Variants in ESCO2 observed in about 807,000 individuals in gnomAD.
The protein encoded by ESCO2 is N-acetyltransferase ESCO2.
ESCO2 carries 51 observed loss-of-function variants against 61.7 expected under a neutral mutation model. The ratio of observed to expected loss-of-function variants is 0.83; its 90% CI spans 0.66 to 1.04. The LOEUF is 1.04. Among genes scored for constraint, ESCO2 ranks in the 50% least tolerant of loss-of-function variants. The pLI, the probability that ESCO2 is intolerant of heterozygous loss-of-function variation, is 0.00. For missense variants in ESCO2, 692 were observed against 686.2 expected, an observed-to-expected ratio of 1.01 and a Z score of -0.09; for synonymous variants, 230 against 238.2, an observed-to-expected ratio of 0.97 and a Z score of 0.32.
chr8:27,772,949 A>G (rs1267679042), upstream of ESCO2, among the ~76,000 whole-genome samples: 1 of 152,180 alleles, frequency 6.6e-6, no homozygotes, highest in Non-Finnish European at 1.5e-5. Context: ...CACCAGGACA[A>G]TATGCCTCTT....
chr8:27,806,332 A>G (rs923704125), downstream of ESCO2, among the ~76,000 whole-genome samples: 11 of 152,200 alleles, frequency 7.2e-5, no homozygotes, highest in Middle Eastern at 3.4e-3. Flanking sequence ...GTGTATGTCT[A>G]TTTCTGCCTG....
chr8:27,817,834 G>T, the ESCO2 span, among the ~76,000 whole-genome samples: 2 of 152,086 alleles, frequency 1.3e-5, no homozygotes, highest in African/African-American at 4.8e-5. Flanking sequence ...AACTATCACT[G>T]CAAGACTTTC....
At position 27,787,999 on chromosome 8, in the gene ESCO2, C is replaced by A. The variant is rs140062105; in HGVS notation, c.1128C>A (p.Ile376=). The A allele has an allele frequency of 1.2e-5, 19 of 1,604,410 alleles. No homozygotes were observed. Among genetic ancestry groups the A allele is most frequent in the Non-Finnish European group, 1.5e-5 (17 of 1,171,428 alleles). ...GTAAAAAAACAAAAGACCAGCTCATCATCGTGAGTAAATTCCAAACAAAGC... is the reference window on the plus strand; with the variant it reads ...GTAAAAAAACAAAAGACCAGCTCATAATCGTGAGTAAATTCCAAACAAAGC... ...DTSKKTKDQL[I]IDAGQKHFGA... The change falls in exon 6 of 11, where the codon ATC becomes ATA. Residue 376 remains isoleucine (I), a synonymous_variant. Transcript: ENST00000305188.
At chr8:27,788,289 T>C (rs1805093748) in intron 6 of ESCO2, among the ~76,000 whole-genome samples, 1 of 152,194 alleles carries the variant, frequency 6.6e-6, no homozygotes, top group South Asian at 2.1e-4. Context: ...AATATAGAAG[T>C]CCTAAAATTT....
intron 4 of ESCO2, among the ~76,000 whole-genome samples, chr8:27,781,616 A>G (rs562996838): frequency 1.4e-5 from 2 of 147,764 alleles, no homozygotes; most frequent in Admixed American, 6.8e-5. Flanking sequence ...GCTGGAGTGC[A>G]GTGGCACCAT....
Position 27,776,713 on chromosome 8 carries a change from G to C in ESCO2, c.405G>C (p.Lys135Asn), listed in dbSNP as rs767762209. The stretch of plus-strand genomic sequence containing the variant: ...AAGGAAAACCAGTCTGCTCCAAGAA[G>C]AACAACAAAAAACCACAGAAGAGTT... ...KMQGKPVCSK[K>N]NNKKPQKSLT... Residue 135 changes from lysine to asparagine, a missense_variant, in exon 3 of 11, where the codon AAG (lysine) becomes AAC (asparagine). Physicochemically the swap from Lys to Asn is moderately conservative, Grantham distance 94 (BLOSUM62 0). Transcript: ENST00000305188. 30 of 1,613,572 alleles carry C rather than the reference G, an allele frequency of 1.9e-5. No individual in the cohort carries two copies. The highest frequency in any genetic ancestry group is 2.4e-5 in the Non-Finnish European group (28 of 1,179,894).
At chr8:27,808,100 T>C (rs759436737), downstream of ESCO2, 11 of 363,610 alleles carry the variant, frequency 3.0e-5, no homozygotes, top group Admixed American at 6.0e-5. Context: ...TCCCAAATTC[T>C]TAGCTGATAT....
chr8:27,781,325 A>T (rs1203897567), intron 4 of ESCO2, among the ~76,000 whole-genome samples: 3 of 151,814 alleles, frequency 2.0e-5, no homozygotes, highest in Non-Finnish European at 2.9e-5. Flanking sequence ...TTATTTTTCA[A>T]TGCAAAGTTA....
chr8:27,803,953 C>G lies in ESCO2; in HGVS notation c.*515C>G. 1.0e-6 allele frequency: 1 copy of G among 987,424 alleles called. No homozygotes were observed. Among genetic ancestry groups the G allele is most frequent in the Non-Finnish European group, 1.2e-6 (1 of 831,838 alleles). 61.2% of individuals were successfully genotyped at this position (987,424 alleles called of 1,614,324 possible). ...CATGGGTCTCACTGTGTTGCCCAGG[C>G]TGGTCTGAAACTTTTGGGCTCAAGC... On this transcript the variant is annotated 3_prime_UTR_variant, in exon 11 of 11. Coordinates refer to ENST00000305188, the MANE Select transcript of ESCO2 (RefSeq NM_001017420.3).
upstream of ESCO2, among the ~76,000 whole-genome samples, chr8:27,774,115 CAATG>C (rs1020313414): frequency 2.0e-5 from 3 of 152,112 alleles, no homozygotes; most frequent in Admixed American, 2.0e-4. Flanking sequence ...GTGAAACTGA[CAATG>C]AAGCTTCAAA....
Position 27,792,160 on chromosome 8 carries a change from C to T in ESCO2, c.1353+108C>T, listed in dbSNP as rs138629233. The T allele has an allele frequency of 3.3e-3, 3,296 of 997,746 alleles. 56 individuals carry two copies. In the African/African-American group the frequency reaches 0.044, roughly 13 times the overall value. The allele number at this position is 997,746 out of a possible 1,614,324, so 61.8% of individuals were successfully genotyped here. A position where few individuals can be genotyped will look rare whatever the true frequency, so the allele number is the denominator to read the frequency against. ...GACAGATAATTCACTTGGGTACCTG[C>T]TTAATGATTACTTTCATAGCAATTT... On this transcript the variant is annotated intron_variant, in intron 8 of 10. Coordinates refer to ENST00000305188, the MANE Select transcript of ESCO2 (RefSeq NM_001017420.3).
intron 9 of ESCO2, among the ~76,000 whole-genome samples, chr8:27,794,143 T>A (rs1331958403): frequency 6.6e-6 from 1 of 152,248 alleles, no homozygotes; most frequent in Non-Finnish European, 1.5e-5. Flanking sequence ...CATCCATTGA[T>A]GGACACTTAA....
intron 5 of ESCO2, among the ~76,000 whole-genome samples, chr8:27,785,022 A>G (rs1264814514): frequency 3.3e-5 from 5 of 152,200 alleles, no homozygotes; most frequent in Non-Finnish European, 7.3e-5. Context: ...TTGTGTTGCT[A>G]TCACAAAATA....
intron 9 of ESCO2, among the ~76,000 whole-genome samples, chr8:27,798,462 A>T (rs1222570571): frequency 2.4e-5 from 1 of 42,040 alleles, no homozygotes; most frequent in Non-Finnish European, 5.4e-5. Flanking sequence ...CCGTCTCTTT[A>T]AAAAAAAAAA....
At chr8:27,816,340 A>C (rs1805809399), downstream of ESCO2, among the ~76,000 whole-genome samples, 3 of 127,842 alleles carry the variant, frequency 2.3e-5, no homozygotes, top group Admixed American at 7.7e-5. Context: ...TTTTCATCGA[A>C]TACTATATAT....
intron 9 of ESCO2, 25 bp downstream of exon 9, chr8:27,792,836 T>C (rs747225881): frequency 3.2e-6 from 5 of 1,544,848 alleles, no homozygotes; most frequent in Non-Finnish European, 4.3e-6. Context: ...TTTTAAATTA[T>C]TGGCATAATT....
intron 10 of ESCO2, among the ~76,000 whole-genome samples, chr8:27,801,837 T>G (rs1805432439): frequency 6.6e-6 from 1 of 152,134 alleles, no homozygotes; most frequent in Non-Finnish European, 1.5e-5. Context: ...TGTGTTTTTC[T>G]TAAAAACAAG....
At chr8:27,793,931 A>C (rs1805238248) in intron 9 of ESCO2, among the ~76,000 whole-genome samples, 1 of 152,088 alleles carries the variant, frequency 6.6e-6, no homozygotes, top group Non-Finnish European at 1.5e-5. Flanking sequence ...GGCAACCACC[A>C]TTCTACTCTG....
At chr8:27,807,424 A>C (rs1259964471), downstream of ESCO2, among the ~76,000 whole-genome samples, 1 of 152,144 alleles carries the variant, frequency 6.6e-6, no homozygotes, top group East Asian at 1.9e-4. Context: ...TTGAATGTTA[A>C]AGCAATCTAG....
Sources: gnomAD v4.1 joint callset for allele counts (sites outside exome capture counted in the v4.1 genomes callset) on GRCh38, gnomAD v4.1.1 for gene constraint, MANE v1.5 for transcripts, NCBI Gene and HGNC (gene_info 2026-07-23, HGNC 2026-07-21) for gene names.